The following PHACTR3 variants were observed in gnomAD, a reference collection of about 807,000 sequenced individuals.
PHACTR3 encodes phosphatase and actin regulator 3, also known as protein phosphatase 1, regulatory subunit 123.
A neutral mutation model predicts 66.8 loss-of-function variants in PHACTR3; 16 were observed. The ratio of observed to expected loss-of-function variants is 0.24; its 90% confidence interval spans 0.16 to 0.36. PHACTR3 has a LOEUF of 0.36. Among genes scored for constraint, PHACTR3 ranks in the 10% least tolerant of loss-of-function variants. The pLI is 1.00. For missense variants in PHACTR3, 647 were observed against 719.9 expected, an observed-to-expected ratio of 0.90 and a Z score of 1.16; for synonymous variants, 323 against 292.1, an observed-to-expected ratio of 1.11 and a Z score of -1.08.
intron 1 of PHACTR3, among the ~76,000 whole-genome samples, chr20:59,639,706 G>A (rs1184990112): frequency 2.6e-5 from 4 of 151,752 alleles, no homozygotes; most frequent in Admixed American, 2.6e-4. Flanking sequence ...CCAACCTTGG[G>A]TACTGCTGAG....
chr20:59,579,433 G>A (rs984661530), intron 1 of PHACTR3, among the ~76,000 whole-genome samples: 3 of 152,192 alleles, frequency 2.0e-5, no homozygotes, highest in Admixed American at 6.5e-5. Flanking sequence ...GGGATGCTGC[G>A]GGGAGCAGGG....
chr20:59,656,653 G>A (rs962104835), intron 1 of PHACTR3, among the ~76,000 whole-genome samples: 1 of 151,848 alleles, frequency 6.6e-6, no homozygotes, highest in Admixed American at 6.6e-5. Flanking sequence ...AATGGATATA[G>A]TTAGATTTGC....
rs181154377 is a variant in PHACTR3, at chr20:59,727,415, G to A, written c.119-15692G>A. 1.2e-4 allele frequency among the ~76,000 whole-genome samples: 19 copies of A among 152,220 alleles called. 1 individual carries two copies. The East Asian group carries it at 3.7e-3, about 29-fold the overall frequency. On this transcript the variant is annotated intron_variant, in intron 1 of 12. Transcript: ENST00000371015. ...ATGTAAAAGTGCCAGTCGTGTATAA[G>A]GACTGTAGTCAGCGCCACCATGCCA...
chr20:59,592,417 ATC>A (rs1254653420), intron 1 of PHACTR3, among the ~76,000 whole-genome samples: 1 of 152,200 alleles, frequency 6.6e-6, no homozygotes, highest in Non-Finnish European at 1.5e-5. Context: ...AGAGCAGTAC[ATC>A]TGTTACAACT....
intron 1 of PHACTR3, among the ~76,000 whole-genome samples, chr20:59,650,930 A>G (rs190350100): frequency 6.6e-6 from 1 of 152,116 alleles, no homozygotes; most frequent in East Asian, 1.9e-4. Context: ...TTTGATCTAT[A>G]ATGTTTTGTT....
intron 1 of PHACTR3, among the ~76,000 whole-genome samples, chr20:59,615,806 C>T (rs1318899422): frequency 6.6e-6 from 1 of 152,224 alleles, no homozygotes; most frequent in Non-Finnish European, 1.5e-5. Flanking sequence ...TGGCCAACTT[C>T]AGGTCAAAGA....
chr20:59,645,519 G>A (rs1302759435), intron 1 of PHACTR3, among the ~76,000 whole-genome samples: 3 of 151,530 alleles, frequency 2.0e-5, no homozygotes, highest in Non-Finnish European at 4.4e-5. Context: ...GGAGGCTAAA[G>A]CGCTGGCCCC....
intron 1 of PHACTR3, among the ~76,000 whole-genome samples, chr20:59,734,901 G>C (rs1271765090): frequency 6.6e-6 from 1 of 151,890 alleles, no homozygotes; most frequent in Admixed American, 6.6e-5. Context: ...CCTTCTTAGA[G>C]TTATCCCACC....
chr20:59,766,273 T>C (rs1407936345), intron 4 of PHACTR3, among the ~76,000 whole-genome samples: 1 of 152,210 alleles, frequency 6.6e-6, no homozygotes, highest in Non-Finnish European at 1.5e-5. Context: ...AGAGTGACAG[T>C]TCTTCCTGAA....
At chr20:59,668,669 C>T (rs938207292) in intron 1 of PHACTR3, among the ~76,000 whole-genome samples, 1 of 152,106 alleles carries the variant, frequency 6.6e-6, no homozygotes. Flanking sequence ...GATGACAATT[C>T]AACAGAACAA....
rs2042318642 is a variant in PHACTR3, at chr20:59,830,219, G to A, written c.1329-6286G>A. Among the ~76,000 whole-genome samples, 1 of 151,704 alleles carries A rather than the reference G, an allele frequency of 6.6e-6. No individual in the cohort carries two copies. The highest frequency in any genetic ancestry group is 1.5e-5 in the Non-Finnish European group (1 of 68,016). On this transcript the variant is annotated intron_variant, in intron 8 of 12. Transcript: ENST00000371015. This position sits in a 1 kb window ranked among gnomAD's most constrained non-coding sequence, Gnocchi z 5.8. ...GAGGGTATGAGTGTCTGATAGAAGA[G>A]GGCGTGAGTGTCTGATGGAAGAGGG...
chr20:59,715,804 A>G (rs1056073005), intron 1 of PHACTR3, among the ~76,000 whole-genome samples: 3 of 151,874 alleles, frequency 2.0e-5, no homozygotes, highest in Non-Finnish European at 4.4e-5. Context: ...AAGTTAAGAA[A>G]AAAAATGTTA....
intron 1 of PHACTR3, among the ~76,000 whole-genome samples, chr20:59,704,913 C>CCATTCAAAA (rs2037644033): frequency 6.6e-6 from 1 of 151,502 alleles, no homozygotes; most frequent in African/African-American, 2.4e-5. Context: ...TTGAGTAATC[C>CCATTCAAAA]CATTCAAAAG....
intron 7 of PHACTR3, among the ~76,000 whole-genome samples, chr20:59,801,381 T>C (rs184181544): frequency 5.4e-4 from 82 of 152,308 alleles, no homozygotes; most frequent in African/African-American, 1.9e-3. Flanking sequence ...TGACTTTGTG[T>C]TTGAGGTTTG....
intron 7 of PHACTR3, among the ~76,000 whole-genome samples, chr20:59,782,638 C>T (rs999318035): frequency 8.5e-5 from 13 of 152,292 alleles, no homozygotes; most frequent in African/African-American, 2.9e-4. Context: ...ATGAGAACCA[C>T]GCAAAAGGAG....
intron 11 of PHACTR3, among the ~76,000 whole-genome samples, chr20:59,842,797 G>C (rs2059087855): frequency 6.6e-6 from 1 of 152,116 alleles, no homozygotes; most frequent in Non-Finnish European, 1.5e-5. Context: ...GGTATGGAGT[G>C]AACGGAGTTT....
intron 1 of PHACTR3, among the ~76,000 whole-genome samples, chr20:59,708,584 A>G (rs1161548998): frequency 6.6e-6 from 1 of 152,124 alleles, no homozygotes; most frequent in Non-Finnish European, 1.5e-5. Flanking sequence ...GTCATAATAG[A>G]GTCTGCTTTC....
At chr20:59,815,960 G>T (rs1214450747) in intron 8 of PHACTR3, among the ~76,000 whole-genome samples, 1 of 152,094 alleles carries the variant, frequency 6.6e-6, no homozygotes, top group South Asian at 2.1e-4. Context: ...TTTTTCCATG[G>T]ACCAGGGAGG....
intron 8 of PHACTR3, among the ~76,000 whole-genome samples, chr20:59,816,875 G>A (rs2041901210): frequency 6.6e-6 from 1 of 152,278 alleles, no homozygotes. Flanking sequence ...AGAGACAGCT[G>A]GATGAATAGG....
Sources: allele counts gnomAD v4.1 joint callset (sites outside exome capture counted in the v4.1 genomes callset), GRCh38; gene constraint gnomAD v4.1.1; non-coding constraint Gnocchi (gnomAD v3.1); transcripts MANE v1.5; gene names NCBI Gene and HGNC (gene_info 2026-07-23, HGNC 2026-07-21).